MCF2L2: variants seen among roughly 807,000 people sequenced by gnomAD.
MCF2L2 encodes MCF.2 cell line derived transforming sequence-like 2, also known as probable guanine nucleotide exchange factor MCF2L2.
Under a neutral mutation model 150.2 loss-of-function variants are expected in MCF2L2, and 102 were observed. The ratio of observed to expected loss-of-function variants is 0.68; its 90% CI spans 0.58 to 0.80. MCF2L2 has a LOEUF of 0.80. MCF2L2 is among the 30% of genes least tolerant of loss of function. MCF2L2 has a pLI of 0.00. For missense variants in MCF2L2, 1,256 were observed against 1,372.8 expected (o/e 0.91, Z 1.34); for synonymous variants, 465 against 491.3 (o/e 0.95, Z 0.71).
At position 183,179,191 on chromosome 3, in the gene MCF2L2, C is replaced by T; in HGVS notation, c.*189G>A. 2.8e-6 allele frequency: 2 copies of T among 714,990 alleles called. No homozygotes were observed. The highest frequency in any genetic ancestry group is 1.9e-5 in the African/African-American group (1 of 53,488). The allele number at this position is 714,990 out of a possible 1,614,324, so 44.3% of individuals were successfully genotyped here. Reference sequence around the variant, plus strand: ...GCCTTAGAGCAGCTCCGAGGTCCCCCGTGCGGAGCTAGGCGCGCACCCAGG... The same window carrying T: ...GCCTTAGAGCAGCTCCGAGGTCCCCTGTGCGGAGCTAGGCGCGCACCCAGG... On this transcript the variant is annotated 3_prime_UTR_variant, in exon 30 of 30. Coordinates refer to ENST00000328913, the MANE Select transcript of MCF2L2 (RefSeq NM_015078.4). The surrounding 1 kb of genome is among the most constrained non-coding windows in gnomAD (Gnocchi z 4.2).
At chr3:183,302,131 CG>C (rs1030864309) in intron 10 of MCF2L2, among the ~76,000 whole-genome samples, 1 of 152,210 alleles carries the variant, frequency 6.6e-6, no homozygotes, top group Admixed American at 6.5e-5. Flanking sequence ...AACCCACAGA[CG>C]GGGGCAGGAA....
In MCF2L2 at chr3:183,337,064, A is replaced by G. The variant is rs116956831; in HGVS notation, c.486+1736T>C. On this transcript the variant is annotated intron_variant, in intron 5 of 29. Transcript: ENST00000328913. ...TCTAGCTTCTTTCTCTCAAGAGAAT[A>G]TATTTGAAATGTATCCATGTTGTTG... Among the ~76,000 whole-genome samples the G allele has an allele frequency of 3.9e-4, 59 of 152,286 alleles. 1 individual carries two copies. The East Asian group carries it at 9.1e-3, about 23-fold the overall frequency.
intron 22 of MCF2L2, among the ~76,000 whole-genome samples, chr3:183,212,868 G>A (rs1722781221): frequency 6.7e-6 from 1 of 148,808 alleles, no homozygotes; most frequent in African/African-American, 2.5e-5. Context: ...CATCTGTTGG[G>A]CGCCAGGCAC....
At chr3:183,238,412 A>C (rs148918615) in intron 15 of MCF2L2, among the ~76,000 whole-genome samples, 1,950 of 151,960 alleles carry the variant, frequency 0.013, 36 homozygotes, top group African/African-American at 0.042. Flanking sequence ...CCCCTGCCTC[A>C]GACTCCCGAG....
intron 2 of MCF2L2, among the ~76,000 whole-genome samples, chr3:183,382,641 C>T (rs976284520): frequency 6.6e-6 from 1 of 152,128 alleles, no homozygotes; most frequent in African/African-American, 2.4e-5. Flanking sequence ...ATTCCAAAGT[C>T]CAGTGCATTC....
chr3:183,184,812 TC>T (rs1310912328), intron 27 of MCF2L2, among the ~76,000 whole-genome samples: 4 of 152,252 alleles, frequency 2.6e-5, no homozygotes, highest in Non-Finnish European at 5.9e-5. Context: ...CCATTGTAGA[TC>T]CTGCTGGTTC....
chr3:183,387,254 C>T (rs1220530072), intron 2 of MCF2L2, among the ~76,000 whole-genome samples: 2 of 144,552 alleles, frequency 1.4e-5, no homozygotes, highest in African/African-American at 5.2e-5. Context: ...AACATAGCGA[C>T]ACCATGTCTC....
At chr3:183,321,797 A>G (rs1729824283) in intron 6 of MCF2L2, among the ~76,000 whole-genome samples, 1 of 152,214 alleles carries the variant, frequency 6.6e-6, no homozygotes, top group Admixed American at 6.5e-5. Context: ...ACAACCACAA[A>G]CCATGGCTAC....
At chr3:183,223,981 T>G (rs1336339692) in intron 19 of MCF2L2, 117 bp downstream of exon 19, 1 of 791,894 alleles carries the variant, frequency 1.3e-6, no homozygotes, top group African/African-American at 1.7e-5. Flanking sequence ...TATGGGACAC[T>G]TTAAATAAAC....
At position 183,315,465 on chromosome 3, in the gene MCF2L2, T is replaced by G. The variant is rs114634380; in HGVS notation, c.753+2603A>C. Among the ~76,000 whole-genome samples, 1,103 of 152,324 alleles carry G rather than the reference T, an allele frequency of 7.2e-3. 10 individuals carry two copies. The highest frequency in any genetic ancestry group is 0.025 in the African/African-American group (1,026 of 41,582). ...CTAAAAGGCCAATTAAATGGAACCT[T>G]CTAATTTCCTTTCACTTGTCTTACA... On this transcript the variant is annotated intron_variant, in intron 7 of 29. Coordinates refer to ENST00000328913, the MANE Select transcript of MCF2L2 (RefSeq NM_015078.4).
At position 183,318,103 on chromosome 3, in the gene MCF2L2, G is replaced by A; in HGVS notation, c.718C>T (p.Leu240Phe). 3 of 1,614,174 alleles carry A rather than the reference G, an allele frequency of 1.9e-6. No homozygotes were observed. The South Asian group carries it at 3.3e-5, about 18-fold the overall frequency. The change falls in exon 7 of 30, where the codon CTC (leucine) becomes TTC (phenylalanine). Residue 240 changes from leucine to phenylalanine, a missense_variant. Coordinates refer to ENST00000328913, the MANE Select transcript of MCF2L2 (RefSeq NM_015078.4). ...TCCCGCTGCCTTGTGTGGGACATGA[G>A]AAGGTCTTCCGTGGATAGCATGCTT... ...PRSMLSTEDL[L>F]MSHTRQRDKL...
intron 5 of MCF2L2, among the ~76,000 whole-genome samples, chr3:183,329,972 C>T (rs1470823539): frequency 2.0e-5 from 3 of 151,992 alleles, no homozygotes; most frequent in African/African-American, 7.2e-5. Flanking sequence ...CAGTGGCTCA[C>T]ATATGTAATC....
At chr3:183,409,558 T>TC (rs1451797955) in intron 1 of MCF2L2, among the ~76,000 whole-genome samples, 2 of 149,858 alleles carry the variant, frequency 1.3e-5, no homozygotes, top group Non-Finnish European at 3.0e-5. Flanking sequence ...TTTCTTTTTT[T>TC]TTTTTTTTTT....
chr3:183,324,865 C>G (rs1274704956), intron 5 of MCF2L2, among the ~76,000 whole-genome samples: 1 of 151,392 alleles, frequency 6.6e-6, no homozygotes. Context: ...AGACTTGGAA[C>G]CAACCCAAAT....
At chr3:183,286,846 G>A (rs1360994722) in intron 14 of MCF2L2, among the ~76,000 whole-genome samples, 1 of 152,144 alleles carries the variant, frequency 6.6e-6, no homozygotes, top group Non-Finnish European at 1.5e-5. Flanking sequence ...CACTGTTGTG[G>A]GAGAAGCTTT....
intron 3 of MCF2L2, among the ~76,000 whole-genome samples, chr3:183,345,049 C>CAGCTCTGGACCAAGCAGACCT (rs1419274246): frequency 6.6e-6 from 1 of 152,154 alleles, no homozygotes; most frequent in Non-Finnish European, 1.5e-5. Context: ...GACTTGAACT[C>CAGCTCTGGACCAAGCAGACCT]AGCTCTGGAC....
At chr3:183,191,019 G>C (rs1393829528) in intron 27 of MCF2L2, among the ~76,000 whole-genome samples, 2 of 152,088 alleles carry the variant, frequency 1.3e-5, no homozygotes, top group Admixed American at 1.3e-4. Flanking sequence ...CCGAGTAGCT[G>C]GGATTACAGG....
At chr3:183,423,632 G>GTTTTT (rs34400256) in intron 1 of MCF2L2, among the ~76,000 whole-genome samples, 48 of 92,052 alleles carry the variant, frequency 5.2e-4, no homozygotes, top group East Asian at 1.3e-3. Context: ...AATTTTATTT[G>GTTTTT]TTTTTTTTTT....
chr3:183,392,233 A>C (rs576770173), intron 1 of MCF2L2, among the ~76,000 whole-genome samples: 38 of 152,186 alleles, frequency 2.5e-4, no homozygotes, highest in Non-Finnish European at 4.8e-4. Flanking sequence ...TCATTTTTCA[A>C]ATGACAACAT....
Sources: allele counts gnomAD v4.1 joint callset (sites outside exome capture counted in the v4.1 genomes callset), GRCh38; gene constraint gnomAD v4.1.1; non-coding constraint Gnocchi (gnomAD v3.1); transcripts MANE v1.5; gene names NCBI Gene and HGNC (gene_info 2026-07-23, HGNC 2026-07-21).